PYGL: variants seen among roughly 807,000 people sequenced by gnomAD.
The protein encoded by PYGL is glycogen phosphorylase L.
In PYGL, 90 loss-of-function variants were observed where a neutral mutation model predicts 100.1. The observed-to-expected ratio is 0.90, with a 90% confidence interval of 0.76 to 1.07. The LOEUF (loss-of-function observed/expected upper bound fraction) is 1.07. Among genes scored for constraint, PYGL ranks in the 50% least tolerant of loss-of-function variants. The pLI, the probability that PYGL is intolerant of heterozygous loss-of-function variation, is 0.00. For synonymous variants in PYGL, 373 were observed against 393.0 expected, an observed-to-expected ratio of 0.95 and a Z score of 0.60; for missense variants, 1,016 against 1,057.6, an observed-to-expected ratio of 0.96 and a Z score of 0.55.
intron 7 of PYGL, among the ~76,000 whole-genome samples, chr14:50,919,343 T>G (rs992247357): frequency 6.6e-6 from 1 of 152,186 alleles, no homozygotes; most frequent in Non-Finnish European, 1.5e-5. Flanking sequence ...CACAATGTTT[T>G]CCACAAAGGA....
chr14:50,943,900 T>G (rs2050723722), intron 1 of PYGL, among the ~76,000 whole-genome samples: 1 of 152,116 alleles, frequency 6.6e-6, no homozygotes, highest in African/African-American at 2.4e-5. Context: ...CACCTGGCGG[T>G]TTCCAGGGGC....
In PYGL at chr14:50,920,619, A is replaced by T; in HGVS notation, c.777T>A (p.Asn259Lys). Residue 259 changes from asparagine to lysine, a missense_variant, in exon 7 of 20, where the codon AAT becomes AAA. Transcript: ENST00000216392. ...APNDFNLRDFNVGDYIQAVLD... is the reference protein window; with the variant it reads ...APNDFNLRDFKVGDYIQAVLD... ...GCACAGCCTGAATGTAGTCTCCAACATTAACTAGGGGAAAGTTAGAGAAAC... is the reference window on the plus strand; with the variant it reads ...GCACAGCCTGAATGTAGTCTCCAACTTTAACTAGGGGAAAGTTAGAGAAAC... 6.2e-7 allele frequency: 1 copy of T among 1,609,526 alleles called. No homozygotes were observed. Among genetic ancestry groups the T allele is most frequent in the Non-Finnish European group, 8.5e-7 (1 of 1,175,840 alleles).
chr14:50,911,152 C>T (rs78607874), intron 16 of PYGL, among the ~76,000 whole-genome samples: 2,279 of 152,310 alleles, frequency 0.015, 58 homozygotes, highest in African/African-American at 0.052. Context: ...GCTTGTGACC[C>T]AAATAACCAA....
intron 18 of PYGL, 121 bp downstream of exon 18, chr14:50,908,700 G>T: frequency 1.5e-6 from 2 of 1,367,494 alleles, no homozygotes; most frequent in South Asian, 1.3e-5. Context: ...CTACATGAGT[G>T]GGTTTAAGTT....
Position 50,914,731 on chromosome 14 carries a change from G to A in PYGL, c.1488C>T (p.Cys496=). 1 of 1,613,856 alleles carries A rather than the reference G, an allele frequency of 6.2e-7. No individual in the cohort carries two copies. The highest frequency in any genetic ancestry group is 8.5e-7 in the Non-Finnish European group (1 of 1,179,824). ...CTATGAGCTCTGCAAGTCCTGGGTT[G>A]CAGAGTAGGAGCCAGCGCCTTGGAG... ...GITPRRWLLL[C]NPGLAELIAE... is the part of the protein sequence containing the mutation. Residue 496 remains cysteine (C), a synonymous_variant, in exon 12 of 20, where the codon TGC becomes TGT. Transcript: ENST00000216392.
At chr14:50,915,272 T>G in intron 11 of PYGL, 64 bp downstream of exon 11, 1 of 1,568,306 alleles carries the variant, frequency 6.4e-7, no homozygotes, top group Non-Finnish European at 8.8e-7. Flanking sequence ...CAACCCTGCA[T>G]TTAGTAGCAT....
chr14:50,912,289 C>A lies in PYGL; in HGVS notation c.1635G>T (p.Lys545Asn). The change falls in exon 14 of 20, where the codon AAG becomes AAT. Residue 545 changes from lysine (K) to asparagine (N), a missense_variant. Coordinates refer to ENST00000216392, the MANE Select transcript of PYGL (RefSeq NM_002863.5). Reference sequence around the variant, plus strand: ...ACTCCGTCTCCAGGAACTGAGAAAACTTCAGCTTATTCTCCTGTTAAGACA... The same window carrying A: ...ACTCCGTCTCCAGGAACTGAGAAAAATTCAGCTTATTCTCCTGTTAAGACA... ...LAKVKQENKL[K>N]FSQFLETEYK... 6.2e-7 allele frequency: 1 copy of A among 1,614,092 alleles called. No individual in the cohort carries two copies. Among genetic ancestry groups the A allele is most frequent in the Admixed American group, 1.7e-5 (1 of 60,028 alleles).
At chr14:50,920,459 A>G (rs1430583162) in intron 7 of PYGL, 82 bp downstream of exon 7, 1 of 1,280,296 alleles carries the variant, frequency 7.8e-7, no homozygotes, top group African/African-American at 1.5e-5. Context: ...TCAATATTAA[A>G]TGTGTTTTAT....
chr14:50,908,102 T>C (rs1370755868), intron 19 of PYGL, 169 bp downstream of exon 19: 3 of 317,796 alleles, frequency 9.4e-6, no homozygotes, highest in Non-Finnish European at 1.7e-5. Flanking sequence ...AAAGACAAGG[T>C]TTTTTTTTTT....
intron 2 of PYGL, among the ~76,000 whole-genome samples, chr14:50,936,370 C>T (rs899140741): frequency 2.6e-5 from 4 of 152,190 alleles, no homozygotes; most frequent in East Asian, 1.9e-4. Context: ...CTGTATCTTA[C>T]GAGTTCAACC....
At chr14:50,934,995 A>G (rs1429946758) in intron 3 of PYGL, 112 bp downstream of exon 3, 6 of 961,256 alleles carry the variant, frequency 6.2e-6, no homozygotes, top group Admixed American at 1.8e-5. Flanking sequence ...ACCAGGTCAT[A>G]CCTTGCGCTT....
intron 1 of PYGL, among the ~76,000 whole-genome samples, chr14:50,939,783 C>G (rs900067842): frequency 1.3e-5 from 2 of 151,846 alleles, no homozygotes; most frequent in African/African-American, 4.8e-5. Flanking sequence ...AATAATTTGG[C>G]CAATCAAAAA....
intron 18 of PYGL, 146 bp from the exon 19 acceptor site, chr14:50,908,483 AC>A: frequency 1.2e-6 from 1 of 829,374 alleles, no homozygotes; most frequent in Non-Finnish European, 2.0e-6. Flanking sequence ...AAGACTTTTA[AC>A]CAGCCCTCAA....
intron 3 of PYGL, among the ~76,000 whole-genome samples, chr14:50,933,265 C>G (rs1047215242): frequency 6.6e-6 from 1 of 152,140 alleles, no homozygotes; most frequent in African/African-American, 2.4e-5. Flanking sequence ...TCCTGCAGCC[C>G]CATAGAAAGC....
At chr14:50,943,017 T>C (rs2050714971) in intron 1 of PYGL, among the ~76,000 whole-genome samples, 1 of 152,250 alleles carries the variant, frequency 6.6e-6, no homozygotes, top group Admixed American at 6.5e-5. Context: ...AATTTCTTAC[T>C]ATGAGAATTT....
chr14:50,920,508 G>A, intron 7 of PYGL, 33 bp downstream of exon 7: 1 of 1,546,214 alleles, frequency 6.5e-7, no homozygotes, highest in Non-Finnish European at 8.9e-7. Flanking sequence ...AGCTGCCTCT[G>A]TTGCCACTAA....
In PYGL at chr14:50,912,277, G is replaced by A; in HGVS notation, c.1647C>T (p.Phe549=). ...TCTTCACTTTGTACTCCGTCTCCAG[G>A]AACTGAGAAAACTTCAGCTTATTCT... ...KQENKLKFSQ[F]LETEYKVKIN... The change falls in exon 14 of 20, where the codon TTC becomes TTT. Residue 549 remains phenylalanine, a synonymous_variant. Transcript: ENST00000216392. The A allele has an allele frequency of 6.2e-7, 1 of 1,614,108 alleles. No individual in the cohort carries two copies. The highest frequency in any genetic ancestry group is 8.5e-7 in the Non-Finnish European group (1 of 1,179,954).
At chr14:50,917,406 A>G (rs1476764766) in intron 7 of PYGL, among the ~76,000 whole-genome samples, 1 of 152,244 alleles carries the variant, frequency 6.6e-6, no homozygotes, top group Admixed American at 6.5e-5. Context: ...AGAAGATCCA[A>G]GACAGCCAAA....
chr14:50,908,708 GTTGGTTTAAGA>G (rs1337136094), intron 18 of PYGL, 102 bp downstream of exon 18: 6 of 1,440,876 alleles, frequency 4.2e-6, no homozygotes, highest in African/African-American at 1.4e-5. Context: ...GTGGGTTTAA[GTTGGTTTAAGA>G]TTGGTTTAAG....
Sources: gnomAD v4.1 joint callset for allele counts (sites outside exome capture counted in the v4.1 genomes callset) on GRCh38, gnomAD v4.1.1 for gene constraint, MANE v1.5 for transcripts, NCBI Gene and HGNC (gene_info 2026-07-23, HGNC 2026-07-21) for gene names.